Variants in PHKB observed in about 807,000 individuals in gnomAD.
PHKB encodes the protein phosphorylase kinase regulatory subunit beta, also known as phosphorylase b kinase regulatory subunit beta.
Under a neutral mutation model 152.1 loss-of-function variants are expected in PHKB, and 122 were observed. The ratio of observed to expected loss-of-function variants is 0.80; its 90% CI spans 0.69 to 0.93. The LOEUF (loss-of-function observed/expected upper bound fraction) is 0.93, where lower values mean the gene tolerates loss of function less well. Among genes scored for constraint, PHKB ranks in the 40% least tolerant of loss-of-function variants. The pLI is 0.00. For synonymous variants in PHKB, 436 were observed against 464.9 expected (o/e 0.94, Z 0.80); for missense variants, 1,304 against 1,328.4 (o/e 0.98, Z 0.29).
chr16:47,676,272 G>C (rs372295271), intron 26 of PHKB: 1 of 152,130 alleles, frequency 6.6e-6, no homozygotes, highest in African/African-American at 2.4e-5. Flanking sequence ...TAAAAGAAAG[G>C]GAGGGGATTT....
chr16:47,524,060 T>C (rs1419511015), intron 6 of PHKB, among the ~76,000 whole-genome samples: 1 of 152,206 alleles, frequency 6.6e-6, no homozygotes, highest in Non-Finnish European at 1.5e-5. Context: ...AAGCTCACTC[T>C]ACTTAGTGAG....
At position 47,643,670 on chromosome 16, in the gene PHKB, T is replaced by A. The variant is rs1973065429; in HGVS notation, c.1608+1978T>A. ...CCTAGTATTCTGCTCCTTATAAGTCTGCCTTTTAAAAGTAAAGGTGTTCCC... is the reference window on the plus strand; with the variant it reads ...CCTAGTATTCTGCTCCTTATAAGTCAGCCTTTTAAAAGTAAAGGTGTTCCC... On this transcript the variant is annotated intron_variant, in intron 16 of 30. Coordinates refer to ENST00000323584, the MANE Select transcript of PHKB (RefSeq NM_000293.3). Among the ~76,000 whole-genome samples, 5 of 152,196 alleles carry A rather than the reference T, an allele frequency of 3.3e-5. No homozygotes were observed. In the South Asian group the frequency reaches 1.0e-3, roughly 32 times the overall value.
Position 47,669,238 on chromosome 16 carries a change from T to C in PHKB, c.2451T>C (p.His817=). The C allele has an allele frequency of 2.5e-6, 4 of 1,614,068 alleles. No individual in the cohort carries two copies. The highest frequency in any genetic ancestry group is 3.4e-6 in the Non-Finnish European group (4 of 1,179,946). The stretch of plus-strand genomic sequence containing the variant: ...AGGTAACTCTGGGTGCCTTTGGGCA[T>C]GAAGAAGAAGTTATCTCTAATCCTT... ...GKQVTLGAFG[H]EEEVISNPLS... Residue 817 remains histidine, a synonymous_variant, in exon 26 of 31, where the codon CAT becomes CAC. Transcript: ENST00000323584.
At chr16:47,593,898 G>A (rs1008027938) in intron 11 of PHKB, among the ~76,000 whole-genome samples, 1 of 152,036 alleles carries the variant, frequency 6.6e-6, no homozygotes, top group African/African-American at 2.4e-5. Flanking sequence ...TTATACTTAG[G>A]AATAGGGAAA....
At chr16:47,624,149 C>A (rs1972667886) in intron 14 of PHKB, among the ~76,000 whole-genome samples, 4 of 152,076 alleles carry the variant, frequency 2.6e-5, no homozygotes. Flanking sequence ...TCATTTATTT[C>A]TGTGAGCATC....
chr16:47,655,516 A>G (rs1358180292), intron 20 of PHKB, among the ~76,000 whole-genome samples: 1 of 152,210 alleles, frequency 6.6e-6, no homozygotes, highest in African/African-American at 2.4e-5. Flanking sequence ...GAAGAGTCAT[A>G]GACAAATTAC....
intron 6 of PHKB, among the ~76,000 whole-genome samples, chr16:47,540,953 A>G (rs955097344): frequency 1.3e-5 from 2 of 150,686 alleles, no homozygotes; most frequent in African/African-American, 4.9e-5. Flanking sequence ...TCAGCCTCCC[A>G]AGTAGCTGGG....
chr16:47,553,174 C>G (rs566684894), intron 7 of PHKB, among the ~76,000 whole-genome samples: 1 of 152,258 alleles, frequency 6.6e-6, no homozygotes, highest in African/African-American at 2.4e-5. Context: ...GTACACCAAC[C>G]AAACATAGGT....
chr16:47,556,542 G>T (rs540346867), intron 7 of PHKB, among the ~76,000 whole-genome samples: 19 of 152,122 alleles, frequency 1.2e-4, no homozygotes, highest in Admixed American at 4.6e-4. Flanking sequence ...GGTTTTTGTC[G>T]TTGGTTCTGT....
chr16:47,509,478 T>G (rs1970473131), intron 4 of PHKB, among the ~76,000 whole-genome samples: 2 of 152,162 alleles, frequency 1.3e-5, no homozygotes, highest in South Asian at 4.2e-4. Flanking sequence ...GTAACCTCCC[T>G]CTAGAACAAT....
At chr16:47,499,443 C>A (rs560139850) in intron 2 of PHKB, among the ~76,000 whole-genome samples, 1 of 152,124 alleles carries the variant, frequency 6.6e-6, no homozygotes, top group African/African-American at 2.4e-5. Flanking sequence ...CTCTTTTTCC[C>A]TCTGTACCTG....
rs867659461 is a variant in PHKB, at chr16:47,588,950, G to T, written c.916G>T (p.Ala306Ser). Reference sequence around the variant, plus strand: ...CCCCTGCATCAGTTATCCTGCATTTGCCCTGGATGATGAAGTTCTTTTTAG... The same window carrying T: ...CCCCTGCATCAGTTATCCTGCATTTTCCCTGGATGATGAAGTTCTTTTTAG... ...LLPCISYPAFALDDEVLFSQT... is the reference protein window; with the variant it reads ...LLPCISYPAFSLDDEVLFSQT... Residue 306 changes from alanine (A) to serine (S), a missense_variant, in exon 10 of 31, where the codon GCC becomes TCC. Coordinates refer to ENST00000323584, the MANE Select transcript of PHKB (RefSeq NM_000293.3). 1.4e-5 allele frequency: 22 copies of T among 1,613,902 alleles called. No individual in the cohort carries two copies. The highest frequency in any genetic ancestry group is 1.9e-5 in the Non-Finnish European group (22 of 1,179,894).
chr16:47,479,759 G>A (rs1168801286), intron 1 of PHKB, among the ~76,000 whole-genome samples: 1 of 152,154 alleles, frequency 6.6e-6, no homozygotes, highest in African/African-American at 2.4e-5. Flanking sequence ...CTTGAACTTA[G>A]TCTTTGAATA....
chr16:47,518,993 A>G (rs1970642878), intron 6 of PHKB, among the ~76,000 whole-genome samples: 1 of 152,152 alleles, frequency 6.6e-6, no homozygotes, highest in African/African-American at 2.4e-5. Flanking sequence ...AAGTCAAAGT[A>G]CCCCCTCAAA....
intron 4 of PHKB, among the ~76,000 whole-genome samples, chr16:47,509,653 TAGTC>T (rs778787232): frequency 1.6e-4 from 24 of 152,210 alleles, no homozygotes; most frequent in Non-Finnish European, 2.8e-4. Flanking sequence ...TAATTTAATT[TAGTC>T]AGTCACATGT....
intron 7 of PHKB, among the ~76,000 whole-genome samples, chr16:47,551,909 C>T (rs947736885): frequency 3.9e-5 from 6 of 152,278 alleles, no homozygotes; most frequent in Middle Eastern, 3.4e-3. Context: ...GTATTGGGTG[C>T]ACATATATAT....
At chr16:47,618,634 G>A (rs991069767) in intron 14 of PHKB, among the ~76,000 whole-genome samples, 3 of 152,122 alleles carry the variant, frequency 2.0e-5, no homozygotes, top group African/African-American at 7.2e-5. Context: ...ACCCCAAACT[G>A]TTCGTTGGAC....
chr16:47,547,532 A>G lies in PHKB; in HGVS notation c.694A>G (p.Thr232Ala), dbSNP rs1291993207. ...AGGAAGCAAATATAATAATGGCAGC[A>G]CAGAGCTACATTCGAGGTAATTTGC... ...ERGSKYNNGS[T>A]ELHSSSVGLA... The change falls in exon 7 of 31, where the codon ACA (threonine) becomes GCA (alanine). Residue 232 changes from threonine (T) to alanine (A), a missense_variant. Thr to Ala is a moderately conservative substitution (Grantham distance 58, BLOSUM62 0). Coordinates refer to ENST00000323584, the MANE Select transcript of PHKB (RefSeq NM_000293.3). 2 of 1,595,492 alleles carry G rather than the reference A, an allele frequency of 1.3e-6. No individual in the cohort carries two copies. The highest frequency in any genetic ancestry group is 4.5e-5 in the East Asian group (2 of 44,808).
At chr16:47,508,154 A>T (rs1160415803) in intron 4 of PHKB, among the ~76,000 whole-genome samples, 1 of 152,214 alleles carries the variant, frequency 6.6e-6, no homozygotes, top group Non-Finnish European at 1.5e-5. Flanking sequence ...TAAATTGATT[A>T]TGAATTTGAG....
Sources: gnomAD v4.1 joint callset for allele counts (sites outside exome capture counted in the v4.1 genomes callset) on GRCh38, gnomAD v4.1.1 for gene constraint, MANE v1.5 for transcripts, NCBI Gene and HGNC (gene_info 2026-07-23, HGNC 2026-07-21) for gene names.